Variants in PRDM5 observed in about 807,000 individuals in gnomAD.
PRDM5 encodes the protein PR/SET domain 5.
In PRDM5, 56 loss-of-function variants were observed where a neutral mutation model predicts 81.2. The ratio of observed to expected loss-of-function variants is 0.69; its 90% CI spans 0.56 to 0.86. PRDM5 has a LOEUF of 0.86. PRDM5 is among the 40% of genes least tolerant of loss of function. The probability of loss-of-function intolerance (pLI) is 0.00; values close to 1 mark genes in which losing one functional copy is unlikely to be tolerated. For synonymous variants in PRDM5, 267 were observed against 256.4 expected (o/e 1.04, Z -0.39); for missense variants, 697 against 770.1 (o/e 0.91, Z 1.12).
intron 14 of PRDM5, among the ~76,000 whole-genome samples, chr4:120,722,522 C>T (rs116756573): frequency 0.035 from 5,265 of 152,110 alleles, 115 homozygotes; most frequent in African/African-American, 0.056. Context: ...CTTGGCTCCA[C>T]ACTTCCTACA....
Position 120,816,535 on chromosome 4 carries a change from C to A in PRDM5, c.783G>T (p.Arg261Ser), listed in dbSNP as rs1396791897. ...QHQETCRGDA[R>S]FVCKADSCGK... is the part of the protein sequence containing the mutation. The stretch of plus-strand genomic sequence containing the variant: ...CACAGCTGTCAGCCTTGCACACAAA[C>A]CTGGCATCCCCCCGGCAAGTCTCCT... Residue 261 changes from arginine to serine, a missense_variant, in exon 7 of 16, where the codon AGG becomes AGT. Physicochemically the swap from Arg to Ser is moderately radical, Grantham distance 110. This residue lies in a region of PRDM5 where 577 missense variants were observed against 606.7 expected (regional missense o/e 0.95). Transcript: ENST00000264808. 6 of 1,614,136 alleles carry A rather than the reference C, an allele frequency of 3.7e-6. No individual in the cohort carries two copies. Among genetic ancestry groups the A allele is most frequent in the Admixed American group, 1.7e-5 (1 of 59,990 alleles).
At chr4:120,906,403 G>A (rs934552731) in intron 2 of PRDM5, among the ~76,000 whole-genome samples, 3 of 152,142 alleles carry the variant, frequency 2.0e-5, no homozygotes, top group African/African-American at 4.8e-5. Flanking sequence ...AGTACAGTAG[G>A]CTATACCATC....
At position 120,798,036 on chromosome 4, in the gene PRDM5, T is replaced by A. The variant is rs541513000; in HGVS notation, c.1188+231A>T. On this transcript the variant is annotated intron_variant, in intron 10 of 15. Coordinates refer to ENST00000264808, the MANE Select transcript of PRDM5 (RefSeq NM_018699.4). ...CAATTAGTAAACCCCATAAAATTAATCTAATAGCGGTGTTAAGAAAAACTA... is the reference window on the plus strand; with the variant it reads ...CAATTAGTAAACCCCATAAAATTAAACTAATAGCGGTGTTAAGAAAAACTA... Among the ~76,000 whole-genome samples, 3 of 152,254 alleles carry A rather than the reference T, an allele frequency of 2.0e-5. No individual in the cohort carries two copies. In the South Asian group the frequency reaches 6.2e-4, roughly 32 times the overall value.
chr4:120,766,158 C>T (rs566342809), intron 13 of PRDM5, among the ~76,000 whole-genome samples: 1 of 152,062 alleles, frequency 6.6e-6, no homozygotes, highest in Non-Finnish European at 1.5e-5. Context: ...TAGGGTTTCA[C>T]CACGTTGGCC....
At chr4:120,719,848 TA>T (rs1187439165) in intron 14 of PRDM5, among the ~76,000 whole-genome samples, 1 of 152,218 alleles carries the variant, frequency 6.6e-6, no homozygotes, top group Non-Finnish European at 1.5e-5. Flanking sequence ...CATGCTATTC[TA>T]AAACTTAAAA....
chr4:120,906,673 C>CAGAT (rs1196185361), intron 2 of PRDM5, among the ~76,000 whole-genome samples: 1 of 152,068 alleles, frequency 6.6e-6, no homozygotes, highest in African/African-American at 2.4e-5. Context: ...CTGGCATATA[C>CAGAT]AGATCTCTGC....
Position 120,893,684 on chromosome 4 carries a change from C to T in PRDM5, c.177+13790G>A, listed in dbSNP as rs560881369. ...TCTATCAGCAATTGAGAAAGTTGTG[C>T]TTAAGTCTACCATTAGGATTATTCA... On this transcript the variant is annotated intron_variant, in intron 2 of 15. Transcript: ENST00000264808. Among the ~76,000 whole-genome samples the T allele has an allele frequency of 3.9e-5, 6 of 152,292 alleles. No individual in the cohort carries two copies. The South Asian group carries it at 1.2e-3, about 32-fold the overall frequency.
intron 8 of PRDM5, among the ~76,000 whole-genome samples, chr4:120,801,759 CAA>C (rs927701653): frequency 6.6e-6 from 1 of 152,204 alleles, no homozygotes; most frequent in Admixed American, 6.5e-5. Flanking sequence ...CTTCAATCAT[CAA>C]AGACTTCCAC....
intron 8 of PRDM5, 29 bp from the exon 9 acceptor site, chr4:120,799,774 C>T (rs1751856973): frequency 6.2e-7 from 1 of 1,605,896 alleles, no homozygotes; most frequent in Middle Eastern, 1.8e-4. Flanking sequence ...ACAGTTAAAT[C>T]AACTGTCAAA....
At chr4:120,811,650 C>G (rs1753853587) in intron 7 of PRDM5, among the ~76,000 whole-genome samples, 1 of 151,960 alleles carries the variant, frequency 6.6e-6, no homozygotes, top group South Asian at 2.1e-4. Flanking sequence ...AAAAGACATA[C>G]AAATTAATTA....
At chr4:120,779,910 A>C (rs1748783009) in intron 12 of PRDM5, among the ~76,000 whole-genome samples, 1 of 151,006 alleles carries the variant, frequency 6.6e-6, no homozygotes, top group Non-Finnish European at 1.5e-5. Context: ...ACTCTGACTC[A>C]AACAAACAAA....
chr4:120,795,048 CAGG>C lies in PRDM5; in HGVS notation c.1188+3216_1188+3218del, dbSNP rs752851714. On this transcript the variant is annotated intron_variant, in intron 10 of 15. Coordinates refer to ENST00000264808, the MANE Select transcript of PRDM5 (RefSeq NM_018699.4). The stretch of plus-strand genomic sequence containing the variant: ...ACATTAAGGCCCAATGGAATTATTC[CAGG>C]AGAAGTTGTGACTAGATTTCCTCAT... Among the ~76,000 whole-genome samples, 154 of 152,266 alleles carry C rather than the reference CAGG, an allele frequency of 1.0e-3. No homozygotes were observed. In the Middle Eastern group the frequency reaches 0.01, roughly 10 times the overall value.
At chr4:120,786,333 G>A (rs1243977117) in intron 10 of PRDM5, among the ~76,000 whole-genome samples, 1 of 152,068 alleles carries the variant, frequency 6.6e-6, no homozygotes, top group Non-Finnish European at 1.5e-5. Flanking sequence ...ATAAATCACA[G>A]ATAATCTAAT....
chr4:120,684,733 A>G (rs1197857804), downstream of PRDM5, among the ~76,000 whole-genome samples: 3 of 151,980 alleles, frequency 2.0e-5, no homozygotes, highest in Non-Finnish European at 4.4e-5. Flanking sequence ...TGCTCAGAGA[A>G]CCAGTATTCA....
chr4:120,861,928 T>A (rs1302965994), intron 2 of PRDM5, among the ~76,000 whole-genome samples: 1 of 152,208 alleles, frequency 6.6e-6, no homozygotes, highest in Non-Finnish European at 1.5e-5. Context: ...ATTTTTTTAA[T>A]CTACTTTTCC....
chr4:120,885,452 AG>A (rs1010858209), intron 2 of PRDM5: 2 of 152,130 alleles, frequency 1.3e-5, no homozygotes, highest in African/African-American at 4.8e-5. Flanking sequence ...TTATTTAACA[AG>A]TTGGAGTTGG....
intron 3 of PRDM5, chr4:120,838,541 C>G (rs966197461): frequency 6.6e-6 from 1 of 152,188 alleles, no homozygotes; most frequent in Non-Finnish European, 1.5e-5. Context: ...GCATCAGGAA[C>G]AGGTTTTGTG....
At chr4:120,785,134 C>T in intron 10 of PRDM5, 43 bp from the exon 11 acceptor site, 1 of 1,421,436 alleles carries the variant, frequency 7.0e-7, no homozygotes, top group South Asian at 1.1e-5. Flanking sequence ...TAGAATCAAC[C>T]AGTCATTACA....
intron 10 of PRDM5, among the ~76,000 whole-genome samples, chr4:120,796,998 C>T (rs1751433394): frequency 6.6e-6 from 1 of 152,108 alleles, no homozygotes; most frequent in Admixed American, 6.6e-5. Flanking sequence ...TGTTGAATAT[C>T]TTTGGACCAA....
Sources: gnomAD v4.1 joint callset for allele counts (sites outside exome capture counted in the v4.1 genomes callset) on GRCh38, gnomAD v4.1.1 for gene constraint, gnomAD v4.1.1 regional missense constraint, MANE v1.5 for transcripts, NCBI Gene and HGNC (gene_info 2026-07-23, HGNC 2026-07-21) for gene names.